Variants in UQCRC2 observed in about 807,000 individuals in gnomAD.
UQCRC2 encodes the protein ubiquinol-cytochrome c reductase core protein 2.
Under a neutral mutation model 55.6 loss-of-function variants are expected in UQCRC2, and 49 were observed. That is an observed-to-expected ratio of 0.88 (90% CI 0.70 to 1.12). The LOEUF (loss-of-function observed/expected upper bound fraction) is 1.12, where lower values mean the gene tolerates loss of function less well. UQCRC2 is among the 50% of genes most tolerant of loss of function. The pLI is 0.00. For missense variants in UQCRC2, 506 were observed against 547.8 expected (o/e 0.92, Z 0.76); for synonymous variants, 193 against 192.0 (o/e 1.01, Z -0.04).
At chr16:21,980,795 T>A in intron 13 of UQCRC2, 95 bp downstream of exon 13, 1 of 1,447,284 alleles carries the variant, frequency 6.9e-7, no homozygotes, top group Admixed American at 2.1e-5. Flanking sequence ...GGCAGTGTAT[T>A]ATTCTTATGT....
At chr16:21,957,366 C>A in intron 2 of UQCRC2, 48 bp downstream of exon 2, 4 of 1,613,792 alleles carry the variant, frequency 2.5e-6, no homozygotes, top group Non-Finnish European at 3.4e-6. Context: ...GCCTTACTCT[C>A]CTTGGTAATA....
At chr16:21,961,859 G>T (rs1898213877) in intron 4 of UQCRC2, among the ~76,000 whole-genome samples, 1 of 151,120 alleles carries the variant, frequency 6.6e-6, no homozygotes, top group Non-Finnish European at 1.5e-5. Context: ...CACCCTGTTG[G>T]CCAGGCTGGT....
intron 10 of UQCRC2, 130 bp downstream of exon 10, chr16:21,972,252 C>A: frequency 1.6e-6 from 2 of 1,223,836 alleles, no homozygotes; most frequent in Non-Finnish European, 2.3e-6. Context: ...AAGAGATAGC[C>A]AGGCTTGATT....
At chr16:21,968,763 G>T in intron 8 of UQCRC2, 78 bp downstream of exon 8, 2 of 1,331,928 alleles carry the variant, frequency 1.5e-6, no homozygotes, top group South Asian at 1.6e-5. Context: ...GTGAACATAG[G>T]ATTGAACAAA....
At position 21,957,249 on chromosome 16, in the gene UQCRC2, C is replaced by T. The variant is rs1597949398; in HGVS notation, c.48C>T (p.Leu16=). 3.1e-6 allele frequency: 5 copies of T among 1,613,788 alleles called. No individual in the cohort carries two copies. Among genetic ancestry groups the T allele is most frequent in the Non-Finnish European group, 4.2e-6 (5 of 1,179,866 alleles). The change falls in exon 2 of 14, where the codon CTC becomes CTT. Residue 16 remains leucine, a synonymous_variant. Transcript: ENST00000268379. ...RAGSFSRFYS[L]KVAPKVKATA... ...TTTATGTTTAGAGATTTTATTCCCT[C>T]AAAGTTGCCCCCAAAGTTAAAGCCA...
At chr16:21,957,870 A>G (rs1274340973) in intron 3 of UQCRC2, among the ~76,000 whole-genome samples, 1 of 152,124 alleles carries the variant, frequency 6.6e-6, no homozygotes, top group East Asian at 1.9e-4. Flanking sequence ...ACAACCCTTC[A>G]TGTTCCTTGA....
rs371218885 is a variant in UQCRC2, at chr16:21,968,709, T to G, written c.670+24T>G. The G allele has an allele frequency of 2.5e-6, 4 of 1,592,852 alleles. No individual in the cohort carries two copies. In the African/African-American group the frequency reaches 5.4e-5, roughly 22 times the overall value. ...TGGTAAGTTTAGAGTATTGCCTGCCTGTCAGTTTGCTTCCTTAAGAGCAGT... is the reference window on the plus strand; with the variant it reads ...TGGTAAGTTTAGAGTATTGCCTGCCGGTCAGTTTGCTTCCTTAAGAGCAGT... On this transcript the variant is annotated intron_variant, in intron 8 of 13. Coordinates refer to ENST00000268379, the MANE Select transcript of UQCRC2 (RefSeq NM_003366.4).
chr16:21,957,176 T>C lies in UQCRC2; in HGVS notation c.34-59T>C, dbSNP rs1898099215. ...GCTTGGGTACCCTAAGATACCATGC[T>C]TTTATATAAAGCACTGTTCTTGTGA... On this transcript the variant is annotated intron_variant, in intron 1 of 13. Coordinates refer to ENST00000268379, the MANE Select transcript of UQCRC2 (RefSeq NM_003366.4). The C allele has an allele frequency of 1.9e-6, 3 of 1,562,774 alleles. No homozygotes were observed. The Admixed American group carries it at 5.3e-5, about 27-fold the overall frequency.
At chr16:21,980,346 A>T (rs553231200) in intron 12 of UQCRC2, 8 of 594,044 alleles carry the variant, frequency 1.3e-5, no homozygotes, top group Non-Finnish European at 2.3e-5. Flanking sequence ...CCCTGAAGAG[A>T]CTTCTTCCCT....
chr16:21,983,307 T>A lies in UQCRC2; in HGVS notation c.*136T>A. 1 of 688,110 alleles carries A rather than the reference T, an allele frequency of 1.5e-6. No individual in the cohort carries two copies. Among genetic ancestry groups the A allele is most frequent in the Non-Finnish European group, 2.4e-6 (1 of 421,276 alleles). 42.6% of individuals were successfully genotyped at this position (688,110 alleles called of 1,614,324 possible). A position where few individuals can be genotyped will look rare whatever the true frequency, so the allele number is the denominator to read the frequency against. On this transcript the variant is annotated 3_prime_UTR_variant, in exon 14 of 14. Transcript: ENST00000268379. ...AAAATAAGGCATAAATGCAGGTAAT[T>A]ATTCCCAGCTGACCTAAAGTCAATA...
Position 21,958,528 on chromosome 16 carries a change from T to A in UQCRC2, c.268-7T>A, listed in dbSNP as rs751901219. 6.2e-7 allele frequency: 1 copy of A among 1,612,342 alleles called. No individual in the cohort carries two copies. Among genetic ancestry groups the A allele is most frequent in the Non-Finnish European group, 8.5e-7 (1 of 1,179,538 alleles). ...GCTACAAAGATAATCATTCTTTCTT[T>A]TTCAAGACGACAAAAGGAGCTTCAT... On this transcript the variant is annotated splice_region_variant and splice_polypyrimidine_tract_variant and intron_variant, in intron 3 of 13. Transcript: ENST00000268379.
chr16:21,973,985 C>A lies in UQCRC2; in HGVS notation c.1047+9C>A. On this transcript the variant is annotated intron_variant, in intron 11 of 13. Transcript: ENST00000268379. ...CCACAGCTGCTGGAGATGTAAGTTG[C>A]AAACTCACCAAACTTCTTTCATGAA... 1.9e-6 allele frequency: 3 copies of A among 1,592,758 alleles called. No homozygotes were observed. The highest frequency in any genetic ancestry group is 2.6e-6 in the Non-Finnish European group (3 of 1,173,516).
intron 4 of UQCRC2, among the ~76,000 whole-genome samples, chr16:21,960,740 C>G (rs962284650): frequency 1.3e-5 from 2 of 152,116 alleles, no homozygotes; most frequent in Non-Finnish European, 2.9e-5. Context: ...ATTGTTGTGT[C>G]TCAGGAGTAG....
At chr16:21,974,807 C>T (rs1465491783) in intron 11 of UQCRC2, among the ~76,000 whole-genome samples, 1 of 152,130 alleles carries the variant, frequency 6.6e-6, no homozygotes, top group Non-Finnish European at 1.5e-5. Context: ...ACTTGGGATC[C>T]AGCACACAAG....
At chr16:21,957,351 T>C in intron 2 of UQCRC2, 33 bp downstream of exon 2, 1 of 1,614,012 alleles carries the variant, frequency 6.2e-7, no homozygotes, top group Non-Finnish European at 8.5e-7. Flanking sequence ...CTGGAAGCTA[T>C]ACATGCCTTA....
rs766097607 is a variant in UQCRC2, at chr16:21,978,628, C to T, written c.1125-1919C>T. ...AAATAGTTTTACCTAGATCTAAGTT[C>T]TAGTCCCAAATCAAAAAGCAATCTG... On this transcript the variant is annotated intron_variant, in intron 12 of 13. Transcript: ENST00000268379. Among the ~76,000 whole-genome samples, 102 of 152,162 alleles carry T rather than the reference C, an allele frequency of 6.7e-4. 1 individual carries two copies. The highest frequency in any genetic ancestry group is 2.4e-3 in the Admixed American group (36 of 15,278).
In UQCRC2 at chr16:21,962,920, A is replaced by G. The variant is rs376758801; in HGVS notation, c.514+35A>G. On this transcript the variant is annotated intron_variant, in intron 6 of 13. Transcript: ENST00000268379. ...TTTCCAGATCACATTTGATTCTAAGATACTGGGTTTTTTAGAAGATCAATT... is the reference window on the plus strand; with the variant it reads ...TTTCCAGATCACATTTGATTCTAAGGTACTGGGTTTTTTAGAAGATCAATT... 295 of 1,577,226 alleles carry G rather than the reference A, an allele frequency of 1.9e-4. 2 individuals are homozygous for G. In the African/African-American group the frequency reaches 3.4e-3, roughly 18 times the overall value.
chr16:21,953,449 C>CT lies in UQCRC2; in HGVS notation c.29dup (p.Ser11LeufsTer13). 6.2e-7 allele frequency: 1 copy of CT among 1,613,224 alleles called. No homozygotes were observed. The highest frequency in any genetic ancestry group is 8.5e-7 in the Non-Finnish European group (1 of 1,179,676). On this transcript the variant is annotated frameshift_variant, in exon 1 of 14. Transcript: ENST00000268379. LOFTEE classifies it high-confidence loss of function. ...ATGAAGCTACTAACCAGAGCCGGCTCTTTCTCGGTGAGCTCAGGTGGCGGG... is the reference window on the plus strand; with the variant it reads ...ATGAAGCTACTAACCAGAGCCGGCTCTTTTCTCGGTGAGCTCAGGTGGCGGG...
chr16:21,957,111 A>G, intron 1 of UQCRC2, 124 bp from the exon 2 acceptor site: 1 of 724,458 alleles, frequency 1.4e-6, no homozygotes, highest in Non-Finnish European at 2.2e-6. Flanking sequence ...CCTCCCATGG[A>G]GGTGGTTATT....
Sources: allele counts gnomAD v4.1 joint callset (sites outside exome capture counted in the v4.1 genomes callset), GRCh38; gene constraint gnomAD v4.1.1; transcripts MANE v1.5; gene names NCBI Gene and HGNC (gene_info 2026-07-23, HGNC 2026-07-21).